The following GSG1L variants were observed in gnomAD, a reference collection of about 807,000 sequenced individuals.
The protein encoded by GSG1L is GSG1 like, also known as germ cell-specific gene 1-like protein.
In GSG1L, 24 loss-of-function variants were observed where a neutral mutation model predicts 42.1. The observed-to-expected ratio is 0.57, with a 90% CI of 0.41 to 0.80. The LOEUF is 0.80. Among genes scored for constraint, GSG1L ranks in the 30% least tolerant of loss-of-function variants. The probability of loss-of-function intolerance (pLI) is 0.00; values close to 1 mark genes in which losing one functional copy is unlikely to be tolerated. For synonymous variants in GSG1L, 215 were observed against 203.5 expected, an observed-to-expected ratio of 1.06 and a Z score of -0.48; for missense variants, 445 against 472.2, an observed-to-expected ratio of 0.94 and a Z score of 0.53.
At chr16:27,849,995 C>A (rs1596554533) in intron 3 of GSG1L, among the ~76,000 whole-genome samples, 1 of 137,064 alleles carries the variant, frequency 7.3e-6, no homozygotes. Flanking sequence ...GGGTAGAATC[C>A]TATTTGTGCC....
chr16:28,032,401 G>A (rs536334186), intron 1 of GSG1L, among the ~76,000 whole-genome samples: 3 of 152,146 alleles, frequency 2.0e-5, no homozygotes, highest in Non-Finnish European at 4.4e-5. Flanking sequence ...AACATGCAGA[G>A]CTGGCGTAGT....
chr16:28,039,884 A>C (rs2086087689), intron 1 of GSG1L, among the ~76,000 whole-genome samples: 1 of 152,192 alleles, frequency 6.6e-6, no homozygotes, highest in Admixed American at 6.5e-5. Flanking sequence ...ATCAGAAGTC[A>C]ACATGAGTAT....
chr16:27,976,766 ATCTC>A (rs764338124), intron 1 of GSG1L, among the ~76,000 whole-genome samples: 1 of 151,868 alleles, frequency 6.6e-6, no homozygotes, highest in Non-Finnish European at 1.5e-5. Flanking sequence ...TAATCTCAAC[ATCTC>A]TCTCTCTGTT....
At chr16:28,035,841 G>T (rs1376999026) in intron 1 of GSG1L, among the ~76,000 whole-genome samples, 1 of 152,134 alleles carries the variant, frequency 6.6e-6, no homozygotes, top group African/African-American at 2.4e-5. Flanking sequence ...GGATGACAGT[G>T]GTTCTCCCAG....
intron 2 of GSG1L, among the ~76,000 whole-genome samples, chr16:27,892,406 C>T (rs1253054538): frequency 6.6e-6 from 1 of 151,934 alleles, no homozygotes; most frequent in Non-Finnish European, 1.5e-5. Flanking sequence ...CAATTAGCTA[C>T]GATCCTGTCG....
At chr16:27,991,209 C>T (rs1389572724) in intron 1 of GSG1L, among the ~76,000 whole-genome samples, 1 of 152,152 alleles carries the variant, frequency 6.6e-6, no homozygotes, top group Non-Finnish European at 1.5e-5. Flanking sequence ...TATTTGCCTA[C>T]AATTTGGACT....
At chr16:28,029,628 G>A (rs1350062705) in intron 1 of GSG1L, among the ~76,000 whole-genome samples, 3 of 152,136 alleles carry the variant, frequency 2.0e-5, no homozygotes, top group African/African-American at 7.2e-5. Flanking sequence ...TGGATGGGTG[G>A]GTGGATCATG....
intron 1 of GSG1L, among the ~76,000 whole-genome samples, chr16:28,048,055 C>CA (rs57485332): frequency 0.038 from 2,944 of 77,552 alleles, 35 homozygotes; most frequent in Non-Finnish European, 0.05. Flanking sequence ...CTCATCTTTA[C>CA]AAAAAAAAAA....
chr16:27,992,873 G>A (rs1307219254), intron 1 of GSG1L, among the ~76,000 whole-genome samples: 1 of 152,138 alleles, frequency 6.6e-6, no homozygotes, highest in African/African-American at 2.4e-5. Flanking sequence ...GCTGAAGTTA[G>A]GACCCACATC....
At chr16:27,888,807 T>G (rs1346482108) in intron 2 of GSG1L, among the ~76,000 whole-genome samples, 2 of 150,356 alleles carry the variant, frequency 1.3e-5, no homozygotes, top group South Asian at 2.1e-4. Flanking sequence ...TAGTAGAGAT[T>G]GAGTTTCACC....
chr16:27,963,141 T>C lies in GSG1L; in HGVS notation c.397+15A>G. 2 of 1,610,658 alleles carry C rather than the reference T, an allele frequency of 1.2e-6. No homozygotes were observed. The highest frequency in any genetic ancestry group is 1.1e-5 in the South Asian group (1 of 90,952). ...GAGAGCAGAGCTGCCACAGCTCAGC[T>C]GGGGTCACACTCACCTTTCTCCGAT... On this transcript the variant is annotated intron_variant, in intron 2 of 6. Transcript: ENST00000447459.
At chr16:27,870,175 C>T (rs1044097662) in intron 3 of GSG1L, among the ~76,000 whole-genome samples, 2 of 145,526 alleles carry the variant, frequency 1.4e-5, no homozygotes, top group African/African-American at 5.3e-5. Context: ...GTCTCCCTCC[C>T]TCTCTCCTTC....
intron 1 of GSG1L, among the ~76,000 whole-genome samples, chr16:28,002,207 C>G (rs894996237): frequency 6.6e-6 from 1 of 152,092 alleles, no homozygotes; most frequent in African/African-American, 2.4e-5. Context: ...TAAAATAAAA[C>G]AGGATGCTGT....
intron 1 of GSG1L, among the ~76,000 whole-genome samples, chr16:27,982,525 G>T (rs761795475): frequency 6.6e-6 from 1 of 152,158 alleles, no homozygotes; most frequent in African/African-American, 2.4e-5. Flanking sequence ...GGGCTCTAAG[G>T]CTCCATGAAA....
intron 1 of GSG1L, among the ~76,000 whole-genome samples, chr16:28,048,055 CAA>C (rs57485332): frequency 0.082 from 6,361 of 77,600 alleles, 418 homozygotes; most frequent in African/African-American, 0.24. Context: ...CTCATCTTTA[CAA>C]AAAAAAAAAA....
intron 2 of GSG1L, among the ~76,000 whole-genome samples, chr16:27,904,335 G>A (rs993721465): frequency 5.3e-5 from 8 of 152,156 alleles, no homozygotes; most frequent in South Asian, 2.1e-4. Context: ...CTCCCAAAGC[G>A]CTGGGATTAT....
chr16:28,028,266 T>C lies in GSG1L; in HGVS notation c.349+34810A>G, dbSNP rs531026100. On this transcript the variant is annotated intron_variant, in intron 1 of 6. Transcript: ENST00000447459. ...GCCAAGGGAGTTATTACATGAGAAG[T>C]GCCTAGACCCGTGCCAGGCAGGTAG... 1.5e-4 allele frequency among the ~76,000 whole-genome samples: 23 copies of C among 152,228 alleles called. No homozygotes were observed. In the East Asian group the frequency reaches 4.4e-3, roughly 29 times the overall value.
intron 1 of GSG1L, among the ~76,000 whole-genome samples, chr16:28,055,626 C>A (rs2086270619): frequency 6.6e-6 from 1 of 152,102 alleles, no homozygotes; most frequent in African/African-American, 2.4e-5. Flanking sequence ...TGCCTGCCAC[C>A]ACCCGGCTAA....
chr16:27,985,408 C>T (rs2085370488), intron 1 of GSG1L, among the ~76,000 whole-genome samples: 3 of 152,186 alleles, frequency 2.0e-5, no homozygotes, highest in Admixed American at 1.3e-4. Context: ...CTCTCTCTCT[C>T]ACCATGGGAC....
Sources: gnomAD v4.1 joint callset for allele counts (sites outside exome capture counted in the v4.1 genomes callset) on GRCh38, gnomAD v4.1.1 for gene constraint, MANE v1.5 for transcripts, NCBI Gene and HGNC (gene_info 2026-07-23, HGNC 2026-07-21) for gene names.